The following FAM168B variants were observed in gnomAD, a reference collection of about 807,000 sequenced individuals.
The protein encoded by FAM168B is myelin-associated neurite-outgrowth inhibitor.
Under a neutral mutation model 21.8 loss-of-function variants are expected in FAM168B, and 19 were observed. That is an observed-to-expected ratio of 0.87 (90% CI 0.61 to 1.28). The LOEUF is 1.28. Among genes scored for constraint, FAM168B ranks in the 50% most tolerant of loss-of-function variants. The pLI is 0.00. For missense variants in FAM168B, 233 were observed against 263.1 expected (o/e 0.89, Z 0.79); for synonymous variants, 126 against 104.8 (o/e 1.20, Z -1.24).
intron 1 of FAM168B, among the ~76,000 whole-genome samples, chr2:131,088,814 C>T (rs13003427): frequency 6.6e-6 from 1 of 152,150 alleles, no homozygotes; most frequent in African/African-American, 2.4e-5. Context: ...ATTTTCAATT[C>T]TGCATAATGC....
intron 3 of FAM168B, among the ~76,000 whole-genome samples, chr2:131,064,255 T>C (rs1395697708): frequency 1.3e-5 from 2 of 152,112 alleles, no homozygotes; most frequent in East Asian, 1.9e-4. Context: ...TCAAAAGTAC[T>C]GTGTACCACG....
intron 1 of FAM168B, among the ~76,000 whole-genome samples, chr2:131,091,246 G>A (rs1220249121): frequency 2.0e-5 from 3 of 152,162 alleles, no homozygotes; most frequent in Non-Finnish European, 2.9e-5. Context: ...GGCTGAGGCA[G>A]GAGAATCACT....
intron 3 of FAM168B, among the ~76,000 whole-genome samples, chr2:131,060,304 G>A (rs951458148): frequency 4.6e-5 from 7 of 152,064 alleles, no homozygotes; most frequent in South Asian, 2.1e-4. Context: ...GATTACAAGC[G>A]TGAGCCACCG....
At chr2:131,082,724 C>T in intron 1 of FAM168B, 67 bp from the exon 2 acceptor site, 1 of 1,003,004 alleles carries the variant, frequency 1.0e-6, no homozygotes, top group South Asian at 1.5e-5. Context: ...GTACCAGTCC[C>T]CAAAAAGCAG....
chr2:131,051,070 C>G lies in FAM168B; in HGVS notation c.*1395G>C. The G allele has an allele frequency of 3.0e-6, 3 of 985,386 alleles. No individual in the cohort carries two copies. The highest frequency in any genetic ancestry group is 3.6e-6 in the Non-Finnish European group (3 of 829,962). 61.0% of individuals were successfully genotyped at this position (985,386 alleles called of 1,614,324 possible). A position where few individuals can be genotyped will look rare whatever the true frequency, so the allele number is the denominator to read the frequency against. Reference sequence around the variant, plus strand: ...CTCAAATTCCTCTCCCACAATAAACCCTGCCAGCAAACGCACTCCAGCACT... The same window carrying G: ...CTCAAATTCCTCTCCCACAATAAACGCTGCCAGCAAACGCACTCCAGCACT... On this transcript the variant is annotated 3_prime_UTR_variant, in exon 7 of 7. Coordinates refer to ENST00000389915, the MANE Select transcript of FAM168B (RefSeq NM_001009993.4).
chr2:131,082,509 T>C (rs1291297265), intron 2 of FAM168B, 68 bp downstream of exon 2: 9 of 1,093,866 alleles, frequency 8.2e-6, no homozygotes, highest in Middle Eastern at 2.6e-4. Context: ...TAGAAAGCAT[T>C]CTTAGTGACA....
intron 2 of FAM168B, among the ~76,000 whole-genome samples, chr2:131,079,864 C>A (rs951617722): frequency 6.6e-6 from 1 of 152,130 alleles, no homozygotes; most frequent in Non-Finnish European, 1.5e-5. Context: ...CGCTTGTAAT[C>A]CCAACACTTT....
At chr2:131,077,206 T>C (rs1693199123) in intron 2 of FAM168B, among the ~76,000 whole-genome samples, 1 of 141,652 alleles carries the variant, frequency 7.1e-6, no homozygotes, top group Non-Finnish European at 1.5e-5. Flanking sequence ...GTAACGCTAT[T>C]ACATTTAAAA....
chr2:131,091,650 A>G (rs1161150269), intron 1 of FAM168B, among the ~76,000 whole-genome samples: 1 of 147,412 alleles, frequency 6.8e-6, no homozygotes, highest in African/African-American at 2.5e-5. Context: ...CCGTCTCACA[A>G]AAAAAAAAAA....
chr2:131,092,193 A>C (rs984976347), intron 1 of FAM168B, among the ~76,000 whole-genome samples: 1 of 152,092 alleles, frequency 6.6e-6, no homozygotes, highest in Non-Finnish European at 1.5e-5. Context: ...AAACTGTCTA[A>C]GACAACTTGG....
chr2:131,059,900 G>C (rs866750378), intron 3 of FAM168B, among the ~76,000 whole-genome samples: 22 of 152,202 alleles, frequency 1.4e-4, no homozygotes, highest in South Asian at 8.3e-4. Context: ...ATAATACAGA[G>C]GAAAGTGGCA....
intron 1 of FAM168B, among the ~76,000 whole-genome samples, chr2:131,088,780 T>A (rs987764137): frequency 1.3e-5 from 2 of 152,196 alleles, no homozygotes; most frequent in African/African-American, 4.8e-5. Context: ...ATGTTGCATA[T>A]AAGGTTATGC....
chr2:131,049,009 G>A lies in FAM168B; in HGVS notation c.*3456C>T, dbSNP rs1183357099. ...GTTTAAAAAGGACAGGTGAAGTCTG[G>A]GTCTCCTTTTTTAAAGCAGACACCA... On this transcript the variant is annotated 3_prime_UTR_variant, in exon 7 of 7. Transcript: ENST00000389915. 1.3e-5 allele frequency: 13 copies of A among 985,332 alleles called. No homozygotes were observed. Among genetic ancestry groups the A allele is most frequent in the Non-Finnish European group, 1.6e-5 (13 of 829,934 alleles). The allele number at this position is 985,332 out of a possible 1,614,324, so 61.0% of individuals were successfully genotyped here.
chr2:131,048,118 C>T lies in FAM168B; in HGVS notation c.*4347G>A. 1 of 1,149,262 alleles carries T rather than the reference C, an allele frequency of 8.7e-7. No homozygotes were observed. Among genetic ancestry groups the T allele is most frequent in the South Asian group, 1.6e-5 (1 of 64,240 alleles). The allele number at this position is 1,149,262 out of a possible 1,614,324, so 71.2% of individuals were successfully genotyped here. On this transcript the variant is annotated 3_prime_UTR_variant, in exon 7 of 7. Transcript: ENST00000389915. Reference sequence around the variant, plus strand: ...CTTTAACACTGGAAGACAATGCTGACTTAGCTTAAAAAAAGTACCGAGAGA... The same window carrying T: ...CTTTAACACTGGAAGACAATGCTGATTTAGCTTAAAAAAAGTACCGAGAGA...
chr2:131,091,398 C>T (rs1694020328), intron 1 of FAM168B, among the ~76,000 whole-genome samples: 1 of 151,808 alleles, frequency 6.6e-6, no homozygotes, highest in African/African-American at 2.4e-5. Context: ...GTGTCTCCAG[C>T]ACTTTGGGAG....
intron 3 of FAM168B, among the ~76,000 whole-genome samples, chr2:131,066,666 G>T (rs1017115481): frequency 1.3e-5 from 2 of 152,118 alleles, no homozygotes; most frequent in Non-Finnish European, 2.9e-5. Context: ...TGACATCTAT[G>T]CCTGATCGTA....
intron 1 of FAM168B, among the ~76,000 whole-genome samples, chr2:131,088,138 C>T (rs112901608): frequency 0.01 from 1,536 of 152,130 alleles, 19 homozygotes; most frequent in Non-Finnish European, 0.016. Flanking sequence ...CCCAGCTACT[C>T]GGGAGGCTAA....
At chr2:131,057,890 G>A (rs868161923) in intron 3 of FAM168B, among the ~76,000 whole-genome samples, 5 of 152,046 alleles carry the variant, frequency 3.3e-5, no homozygotes, top group Middle Eastern at 6.8e-3. Context: ...GAGTGTAGTG[G>A]TGCAATCTCA....
intron 2 of FAM168B, among the ~76,000 whole-genome samples, chr2:131,075,071 A>T (rs1244492316): frequency 6.6e-6 from 1 of 152,090 alleles, no homozygotes; most frequent in Non-Finnish European, 1.5e-5. Flanking sequence ...TAGTCAGAGA[A>T]CAGAGTGTGG....
Sources: gnomAD v4.1 joint callset for allele counts (sites outside exome capture counted in the v4.1 genomes callset) on GRCh38, gnomAD v4.1.1 for gene constraint, MANE v1.5 for transcripts, NCBI Gene and HGNC (gene_info 2026-07-23, HGNC 2026-07-21) for gene names.